OPA1: variants seen among roughly 807,000 people sequenced by gnomAD.
OPA1 encodes the protein OPA1 mitochondrial dynamin like GTPase.
A neutral mutation model predicts 152.9 loss-of-function variants in OPA1; 59 were observed. The observed-to-expected ratio is 0.39, with a 90% CI of 0.31 to 0.48. The LOEUF (loss-of-function observed/expected upper bound fraction) is 0.48, where lower values mean the gene tolerates loss of function less well. Among genes scored for constraint, OPA1 ranks in the 20% least tolerant of loss-of-function variants. The pLI, the probability that OPA1 is intolerant of heterozygous loss-of-function variation, is 0.96. For synonymous variants in OPA1, 400 were observed against 389.9 expected (o/e 1.03, Z -0.31); for missense variants, 1,008 against 1,216.8 (o/e 0.83, Z 2.55).
At chr3:193,630,377 T>G (rs1412276800) in intron 7 of OPA1, among the ~76,000 whole-genome samples, 2 of 152,132 alleles carry the variant, frequency 1.3e-5, no homozygotes, top group Non-Finnish European at 2.9e-5. Context: ...AAAAAAAGAG[T>G]GTACCTTTTG....
At chr3:193,649,882 G>C (rs1387779479) in intron 21 of OPA1, among the ~76,000 whole-genome samples, 1 of 152,110 alleles carries the variant, frequency 6.6e-6, no homozygotes, top group Admixed American at 6.6e-5. Flanking sequence ...TTGTATCTTA[G>C]CCCAGTTCCA....
At chr3:193,598,844 T>G (rs111944669) in intron 1 of OPA1, among the ~76,000 whole-genome samples, 2 of 152,216 alleles carry the variant, frequency 1.3e-5, no homozygotes, top group Non-Finnish European at 2.9e-5. Flanking sequence ...GAAATGTGAT[T>G]GGAACCAGAG....
rs910083414 is a variant in OPA1 at position 193,637,239 on chromosome 3, T to C, written c.993T>C (p.Ser331=). The C allele has an allele frequency of 1.9e-6, 3 of 1,608,546 alleles. No homozygotes were observed. The change falls in exon 10 of 31, where the codon TCT becomes TCC. Residue 331 remains serine (S), a synonymous_variant. Coordinates refer to ENST00000361510, the MANE Select transcript of OPA1 (RefSeq NM_130837.3). The part of the protein sequence containing the change: ...DMYSEVLDVL[S]DYDASYNTQD... ...ATTCTGAAGTTCTTGATGTTCTCTC[T>C]GATTATGATGCCAGTTATAATACGC...
At chr3:193,642,924 T>G in intron 12 of OPA1, 51 bp from the exon 13 acceptor site, 1 of 1,580,724 alleles carries the variant, frequency 6.3e-7, no homozygotes, top group Non-Finnish European at 8.7e-7. Context: ...AAAGAATATT[T>G]GTGAATTAAG....
chr3:193,679,501 A>G (rs947724902), intron 29 of OPA1, among the ~76,000 whole-genome samples: 4 of 152,158 alleles, frequency 2.6e-5, no homozygotes, highest in African/African-American at 9.7e-5. Flanking sequence ...CATTGTTCAG[A>G]TAGAGAAATT....
At chr3:193,629,860 TATA>T (rs1731800452) in intron 7 of OPA1, among the ~76,000 whole-genome samples, 1 of 152,228 alleles carries the variant, frequency 6.6e-6, no homozygotes, top group Non-Finnish European at 1.5e-5. Flanking sequence ...TTGGATTTTC[TATA>T]ATAATTTAGG....
chr3:193,681,897 A>G (rs1720199843), intron 29 of OPA1, among the ~76,000 whole-genome samples: 1 of 152,150 alleles, frequency 6.6e-6, no homozygotes, highest in Non-Finnish European at 1.5e-5. Context: ...CCTATTCCAT[A>G]GGACACAACA....
intron 28 of OPA1, among the ~76,000 whole-genome samples, chr3:193,666,849 A>G (rs1285327714): frequency 1.3e-5 from 2 of 152,148 alleles, no homozygotes; most frequent in Non-Finnish European, 2.9e-5. Context: ...ATTGGAAAAG[A>G]TGGGTGATAA....
At position 193,634,366 on chromosome 3, in the gene OPA1, G is replaced by GT. The variant is rs371623186; in HGVS notation, c.844-1045dup. 2.8e-3 allele frequency among the ~76,000 whole-genome samples: 418 copies of GT among 150,328 alleles called. 1 individual carries two copies. The highest frequency in any genetic ancestry group is 9.3e-3 in the African/African-American group (380 of 41,030). ...CTTTTTGATTTTGGTGTTTTGTTTT[G>GT]TTTTTTTGTCAAGTAGTTGCTTGGC... On this transcript the variant is annotated intron_variant, in intron 8 of 30. Coordinates refer to ENST00000361510, the MANE Select transcript of OPA1 (RefSeq NM_130837.3).
At position 193,643,527 on chromosome 3, in the gene OPA1, G is replaced by C; in HGVS notation, c.1378-1G>C. On this transcript the variant is annotated splice_acceptor_variant, in intron 14 of 30. Coordinates refer to ENST00000361510, the MANE Select transcript of OPA1 (RefSeq NM_130837.3). LOFTEE classifies it high-confidence loss of function. Reference sequence around the variant, plus strand: ...TGACATTTAAAACCTTTTTCTTTAAGACTGTGACATCAGGCATGGCTCCTG... The same window carrying C: ...TGACATTTAAAACCTTTTTCTTTAACACTGTGACATCAGGCATGGCTCCTG... The C allele has an allele frequency of 6.2e-7, 1 of 1,613,348 alleles. No homozygotes were observed. The highest frequency in any genetic ancestry group is 8.5e-7 in the Non-Finnish European group (1 of 1,179,550).
At chr3:193,596,148 C>A (rs1269977108) in intron 1 of OPA1, among the ~76,000 whole-genome samples, 2 of 150,686 alleles carry the variant, frequency 1.3e-5, no homozygotes, top group Non-Finnish European at 1.5e-5. Flanking sequence ...CTTTGGATAC[C>A]ACATTACCAC....
rs1463671725 is a variant in OPA1, at chr3:193,593,472, A to C, written c.32+63A>C. Reference sequence around the variant, plus strand: ...GGCCTCTTGAGAGTGGGGCTGTCTTATCTCTATCTCCAAAAATGTGCAGGT... The same window carrying C: ...GGCCTCTTGAGAGTGGGGCTGTCTTCTCTCTATCTCCAAAAATGTGCAGGT... On this transcript the variant is annotated intron_variant, in intron 1 of 30. Transcript: ENST00000361510. The C allele has an allele frequency of 9.9e-6, 14 of 1,419,958 alleles. No homozygotes were observed. The South Asian group carries it at 1.3e-4, about 13-fold the overall frequency. The allele number at this position is 1,419,958 out of a possible 1,614,324, so 88.0% of individuals were successfully genotyped here.
chr3:193,600,127 G>A lies in OPA1; in HGVS notation c.32+6718G>A, dbSNP rs538822550. 1.1e-4 allele frequency among the ~76,000 whole-genome samples: 17 copies of A among 152,308 alleles called. No homozygotes were observed. The East Asian group carries it at 2.1e-3, about 19-fold the overall frequency. Reference sequence around the variant, plus strand: ...CACAAGGACTCAAATATAAAAGTACGGAGTCCTCTTCGGGCCATATTTAGT... The same window carrying A: ...CACAAGGACTCAAATATAAAAGTACAGAGTCCTCTTCGGGCCATATTTAGT... On this transcript the variant is annotated intron_variant, in intron 1 of 30. Transcript: ENST00000361510.
In OPA1 at chr3:193,697,160, T is replaced by C. The variant is rs960191476; in HGVS notation, c.*2560T>C. ...GTATAGGTTTAAAAGATAAAATCTT[T>C]AGTTAATAATTTTGTATTTATTTAT... On this transcript the variant is annotated 3_prime_UTR_variant, in exon 31 of 31. Transcript: ENST00000361510. 3 of 152,242 alleles carry C rather than the reference T, an allele frequency of 2.0e-5. No homozygotes were observed. Among genetic ancestry groups the C allele is most frequent in the Non-Finnish European group, 4.4e-5 (3 of 68,044 alleles). 9.4% of individuals were successfully genotyped at this position (152,242 alleles called of 1,614,324 possible).
At chr3:193,622,226 C>T (rs1296433148) in intron 6 of OPA1, among the ~76,000 whole-genome samples, 52 of 107,868 alleles carry the variant, frequency 4.8e-4, no homozygotes, top group South Asian at 1.2e-3. Flanking sequence ...TACTCTCATT[C>T]TTTTTTTTTT....
intron 3 of OPA1, among the ~76,000 whole-genome samples, chr3:193,616,927 T>C (rs1218415298): frequency 6.6e-6 from 1 of 152,194 alleles, no homozygotes; most frequent in Non-Finnish European, 1.5e-5. Flanking sequence ...TTCAAATTGA[T>C]GTATTTGCCA....
intron 29 of OPA1, among the ~76,000 whole-genome samples, chr3:193,672,446 A>G (rs1202195757): frequency 2.0e-5 from 3 of 152,198 alleles, no homozygotes; most frequent in African/African-American, 7.2e-5. Flanking sequence ...TTGGGCCTTC[A>G]TAGAAATTGC....
intron 6 of OPA1, among the ~76,000 whole-genome samples, chr3:193,621,726 C>A (rs1017972756): frequency 6.6e-6 from 1 of 152,102 alleles, no homozygotes; most frequent in African/African-American, 2.4e-5. Flanking sequence ...TCTTGTTAAT[C>A]AAAAATTTGA....
chr3:193,610,966 C>G (rs1728140446), intron 1 of OPA1, among the ~76,000 whole-genome samples: 2 of 152,190 alleles, frequency 1.3e-5, no homozygotes, highest in Admixed American at 1.3e-4. Flanking sequence ...AGGGAATTCC[C>G]TGACCCCTTG....
Sources: gnomAD v4.1 joint callset for allele counts (sites outside exome capture counted in the v4.1 genomes callset) on GRCh38, gnomAD v4.1.1 for gene constraint, MANE v1.5 for transcripts, NCBI Gene and HGNC (gene_info 2026-07-23, HGNC 2026-07-21) for gene names.